The following ADGRV1 variants were observed in gnomAD, a reference collection of about 807,000 sequenced individuals.
ADGRV1 encodes the protein G-protein coupled receptor 98.
Under a neutral mutation model 596.2 loss-of-function variants are expected in ADGRV1, and 359 were observed. The ratio of observed to expected loss-of-function variants is 0.60; its 90% CI spans 0.55 to 0.66. The LOEUF (loss-of-function observed/expected upper bound fraction) is 0.66. Ranked by LOEUF, ADGRV1 falls within the 30% of genes least tolerant of loss-of-function variation. The pLI is 0.00. For missense variants in ADGRV1, 7,274 were observed against 7,575.6 expected (o/e 0.96, Z 1.48); for synonymous variants, 2,681 against 2,679.2 (o/e 1.00, Z -0.02).
chr5:90,918,441 G>A (rs562533811), intron 83 of ADGRV1, among the ~76,000 whole-genome samples: 37 of 152,246 alleles, frequency 2.4e-4, no homozygotes, highest in Non-Finnish European at 4.0e-4. Flanking sequence ...TTTATCTCTT[G>A]CATCTTCTAC....
chr5:90,948,515 G>A lies in ADGRV1; in HGVS notation c.17857-16900G>A, dbSNP rs574830533. 3.3e-5 allele frequency among the ~76,000 whole-genome samples: 5 copies of A among 152,132 alleles called. No homozygotes were observed. The South Asian group carries it at 6.2e-4, about 19-fold the overall frequency. On this transcript the variant is annotated intron_variant, in intron 83 of 89. Coordinates refer to ENST00000405460, the MANE Select transcript of ADGRV1 (RefSeq NM_032119.4). ...TATCTGCTTAACGTATAAACACATGGTATCCTATGACCCTTCAACTTTATT... is the reference window on the plus strand; with the variant it reads ...TATCTGCTTAACGTATAAACACATGATATCCTATGACCCTTCAACTTTATT...
chr5:91,108,696 G>A (rs1792108009), intron 87 of ADGRV1, among the ~76,000 whole-genome samples: 1 of 151,998 alleles, frequency 6.6e-6, no homozygotes, highest in Admixed American at 6.6e-5. Flanking sequence ...CTGGGCTCAA[G>A]CAATCCTGCC....
intron 60 of ADGRV1, 45 bp downstream of exon 60, chr5:90,774,348 G>GA (rs758338125): frequency 6.4e-6 from 7 of 1,093,002 alleles, no homozygotes; most frequent in Non-Finnish European, 5.6e-6. Context: ...TAAATTCTCA[G>GA]AAAAAATGTA....
At chr5:90,730,040 G>A (rs1752346921) in intron 50 of ADGRV1, among the ~76,000 whole-genome samples, 1 of 152,038 alleles carries the variant, frequency 6.6e-6, no homozygotes, top group African/African-American at 2.4e-5. Flanking sequence ...TAATTTTTTT[G>A]TATTTTTAGT....
chr5:90,622,990 C>A (rs1347427077), intron 5 of ADGRV1, among the ~76,000 whole-genome samples: 1 of 152,214 alleles, frequency 6.6e-6, no homozygotes, highest in Non-Finnish European at 1.5e-5. Context: ...ATCCGCCCGC[C>A]TTGGCGTCCC....
rs1273482881 is a variant in ADGRV1, at chr5:90,627,489, G to A, written c.951G>A (p.Gln317=). ...CTGGGAATTCCACAGCACATGCCCA[G>A]CAAAATCTGGACTTCATTGATCTTC... The part of the protein sequence containing the change: ...VTTGNSTAHA[Q]QNLDFIDLQP... Residue 317 remains glutamine (Q), a synonymous_variant, in exon 7 of 90, where the codon CAG becomes CAA. Coordinates refer to ENST00000405460, the MANE Select transcript of ADGRV1 (RefSeq NM_032119.4). 1 of 1,613,930 alleles carries A rather than the reference G, an allele frequency of 6.2e-7. No homozygotes were observed. The highest frequency in any genetic ancestry group is 1.3e-5 in the African/African-American group (1 of 75,040).
chr5:90,792,221 C>G (rs971721142), intron 70 of ADGRV1: 4 of 152,186 alleles, frequency 2.6e-5, no homozygotes, highest in African/African-American at 9.7e-5. Flanking sequence ...AATTCTGAAG[C>G]CTTTGGGAAC....
intron 69 of ADGRV1, among the ~76,000 whole-genome samples, chr5:90,790,459 T>C (rs985088662): frequency 2.6e-5 from 4 of 151,872 alleles, no homozygotes; most frequent in Admixed American, 6.5e-5. Flanking sequence ...TAATGATTGA[T>C]TTTTTATATC....
intron 83 of ADGRV1, among the ~76,000 whole-genome samples, chr5:90,906,398 T>G (rs553704623): frequency 2.2e-4 from 34 of 152,306 alleles, no homozygotes; most frequent in Admixed American, 8.5e-4. Flanking sequence ...AGCTTTGATC[T>G]CATTACTTGT....
Position 90,662,760 on chromosome 5 carries a change from C to T in ADGRV1, c.4752+4482C>T, listed in dbSNP as rs1372320727. On this transcript the variant is annotated intron_variant, in intron 21 of 89. Coordinates refer to ENST00000405460, the MANE Select transcript of ADGRV1 (RefSeq NM_032119.4). ...ATATCTCCCAATGCTATCCCTTCCC[C>T]CTCCCCCCACCACACAACAGTCCCC... Among the ~76,000 whole-genome samples the T allele has an allele frequency of 2.0e-5, 3 of 152,042 alleles. No individual in the cohort carries two copies. The East Asian group carries it at 5.8e-4, about 29-fold the overall frequency.
chr5:90,811,803 A>G (rs1220899206), intron 74 of ADGRV1, among the ~76,000 whole-genome samples: 2 of 151,686 alleles, frequency 1.3e-5, no homozygotes, highest in African/African-American at 4.8e-5. Context: ...TGTAGTTGAT[A>G]TAGCCATCAT....
chr5:90,837,169 A>G (rs181514404), intron 77 of ADGRV1, among the ~76,000 whole-genome samples: 3 of 152,314 alleles, frequency 2.0e-5, no homozygotes, highest in Admixed American at 2.0e-4. Flanking sequence ...CCTATTTGAG[A>G]CAATAAAGAC....
chr5:90,904,756 C>T (rs1170708922), intron 83 of ADGRV1, among the ~76,000 whole-genome samples: 2 of 151,760 alleles, frequency 1.3e-5, no homozygotes, highest in Non-Finnish European at 2.9e-5. Flanking sequence ...CCTGTTTGTC[C>T]GTTTTTGCTT....
chr5:90,638,400 C>A (rs1766524056), intron 11 of ADGRV1, among the ~76,000 whole-genome samples: 1 of 151,926 alleles, frequency 6.6e-6, no homozygotes, highest in Non-Finnish European at 1.5e-5. Context: ...GGAACTTAAA[C>A]ATTAATTTTA....
rs1159049209 is a variant in ADGRV1, at chr5:91,101,262, T to C, written c.18311-957T>C. 3.3e-5 allele frequency among the ~76,000 whole-genome samples: 5 copies of C among 152,340 alleles called. No individual in the cohort carries two copies. In the East Asian group the frequency reaches 9.6e-4, roughly 29 times the overall value. On this transcript the variant is annotated intron_variant, in intron 86 of 89. Coordinates refer to ENST00000405460, the MANE Select transcript of ADGRV1 (RefSeq NM_032119.4). ...TGCACGTCTTCTGTATGTTTGAGAT[T>C]GTTTCCAAGTAAAATTAAATTTGAA...
intron 79 of ADGRV1, among the ~76,000 whole-genome samples, chr5:90,851,134 T>TGTGTGTGAGAGAGAGAGA (rs757909771): frequency 9.9e-4 from 81 of 81,506 alleles, no homozygotes; most frequent in Non-Finnish European, 1.4e-3. Context: ...TGTGTGTGTG[T>TGTGTGTGAGAGAGAGAGA]GAGAGAGAGA....
At chr5:91,148,390 G>C (rs4336388) in intron 87 of ADGRV1, among the ~76,000 whole-genome samples, 134,514 of 152,112 alleles carry the variant, frequency 0.88, 59,824 homozygotes, top group Non-Finnish European at 0.94. Context: ...TGCCATGTGT[G>C]CAGTCATGAC....
chr5:90,629,390 G>T lies in ADGRV1; in HGVS notation c.1690G>T (p.Ala564Ser). The T allele has an allele frequency of 1.2e-6, 2 of 1,613,656 alleles. No homozygotes were observed. Among genetic ancestry groups the T allele is most frequent in the Non-Finnish European group, 1.7e-6 (2 of 1,179,844 alleles). The change falls in exon 9 of 90, where the codon GCT becomes TCT. Residue 564 changes from alanine (A) to serine (S), a missense_variant. Physicochemically the swap from Ala to Ser is moderately conservative, Grantham distance 99 (BLOSUM62 1). Coordinates refer to ENST00000405460, the MANE Select transcript of ADGRV1 (RefSeq NM_032119.4). ...TTCTGTACTTTACATTCCTGCTGGAGCTGTGGACCCCTTGCAAGCAAAAGA... is the reference window on the plus strand; with the variant it reads ...TTCTGTACTTTACATTCCTGCTGGATCTGTGGACCCCTTGCAAGCAAAAGA... ...LYSVLYIPAG[A>S]VDPLQAKEGI... is the part of the protein sequence containing the mutation.
chr5:90,757,508 T>G (rs1267396633), intron 57 of ADGRV1, among the ~76,000 whole-genome samples: 1 of 152,174 alleles, frequency 6.6e-6, no homozygotes, highest in Non-Finnish European at 1.5e-5. Flanking sequence ...TCTTTTATCT[T>G]TTATTTTGTT....
Sources: gnomAD v4.1 joint callset for allele counts (sites outside exome capture counted in the v4.1 genomes callset) on GRCh38, gnomAD v4.1.1 for gene constraint, MANE v1.5 for transcripts, NCBI Gene and HGNC (gene_info 2026-07-23, HGNC 2026-07-21) for gene names.